STIM1: variants seen among roughly 807,000 people sequenced by gnomAD.
STIM1 encodes stromal interaction molecule 1.
A neutral mutation model predicts 74.7 loss-of-function variants in STIM1; 25 were observed. The ratio of observed to expected loss-of-function variants is 0.33; its 90% CI spans 0.24 to 0.47. The LOEUF (loss-of-function observed/expected upper bound fraction) is 0.47. STIM1 is among the 20% of genes least tolerant of loss of function. The pLI is 1.00. For missense variants in STIM1, 728 were observed against 920.8 expected, an observed-to-expected ratio of 0.79 and a Z score of 2.71; for synonymous variants, 328 against 348.8, an observed-to-expected ratio of 0.94 and a Z score of 0.66.
At chr11:3,883,553 A>T (rs997423911) in intron 1 of STIM1, among the ~76,000 whole-genome samples, 1 of 152,072 alleles carries the variant, frequency 6.6e-6, no homozygotes, top group African/African-American at 2.4e-5. Flanking sequence ...GGGTTTTACC[A>T]TGTTGGTCAG....
At chr11:4,073,026 A>G (rs1391610096) in intron 6 of STIM1, among the ~76,000 whole-genome samples, 1 of 137,250 alleles carries the variant, frequency 7.3e-6, no homozygotes. Flanking sequence ...AGTCTCCGCC[A>G]CTGATAGCTC....
chr11:3,965,835 G>A (rs1160900751), intron 1 of STIM1, among the ~76,000 whole-genome samples: 7 of 151,656 alleles, frequency 4.6e-5, no homozygotes, highest in Admixed American at 6.6e-5. Context: ...CTGAAACCCC[G>A]TCTCTACTAA....
intron 2 of STIM1, among the ~76,000 whole-genome samples, chr11:3,978,543 C>CTGAGGTCAGGAGTT (rs1358923411): frequency 6.6e-6 from 1 of 150,776 alleles, no homozygotes; most frequent in Admixed American, 6.6e-5. Flanking sequence ...GGTGGATCAC[C>CTGAGGTCAGGAGTT]TGAGGTCAGG....
At chr11:4,006,962 T>C (rs1189613561) in intron 2 of STIM1, among the ~76,000 whole-genome samples, 1 of 152,210 alleles carries the variant, frequency 6.6e-6, no homozygotes, top group African/African-American at 2.4e-5. Flanking sequence ...TTCTTCTGGC[T>C]TTATGTCAGT....
intron 1 of STIM1, among the ~76,000 whole-genome samples, chr11:3,966,673 A>G (rs1196304826): frequency 6.6e-6 from 1 of 152,254 alleles, no homozygotes; most frequent in Non-Finnish European, 1.5e-5. Context: ...TTCAGTCAAA[A>G]TACCTTTTTC....
intron 1 of STIM1, among the ~76,000 whole-genome samples, chr11:3,880,882 T>A (rs2091473817): frequency 6.6e-6 from 1 of 152,144 alleles, no homozygotes; most frequent in African/African-American, 2.4e-5. Flanking sequence ...GGGAGCTTGC[T>A]TTCTCACTAG....
chr11:3,916,287 GT>G (rs1188407528), intron 1 of STIM1, among the ~76,000 whole-genome samples: 9,395 of 144,300 alleles, frequency 0.065, 825 homozygotes, highest in African/African-American at 0.21. Flanking sequence ...AGTCAGTAAT[GT>G]TTTTTTTTTT....
intron 1 of STIM1, among the ~76,000 whole-genome samples, chr11:3,900,298 T>G (rs2092314254): frequency 6.6e-6 from 1 of 152,170 alleles, no homozygotes; most frequent in Non-Finnish European, 1.5e-5. Context: ...AAGCGCAGTA[T>G]TGGGGTGGGA....
chr11:3,874,026 C>G (rs1450457684), intron 1 of STIM1, among the ~76,000 whole-genome samples: 1 of 152,174 alleles, frequency 6.6e-6, no homozygotes, highest in Non-Finnish European at 1.5e-5. Context: ...CCTGCTCCGG[C>G]CTCCTAGAGT....
intron 12 of STIM1, chr11:4,089,162 G>A: frequency 4.7e-6 from 1 of 211,584 alleles, no homozygotes; most frequent in Non-Finnish European, 9.9e-6. Context: ...GGTCAAGGCT[G>A]CAGTGAGCCG....
intron 3 of STIM1, among the ~76,000 whole-genome samples, chr11:4,040,267 T>A (rs2094138203): frequency 6.6e-6 from 1 of 152,190 alleles, no homozygotes; most frequent in Admixed American, 6.6e-5. Context: ...GCATACAAGG[T>A]CCATGCTTAT....
At chr11:4,022,844 C>G (rs1316034454) in intron 2 of STIM1, among the ~76,000 whole-genome samples, 4 of 152,228 alleles carry the variant, frequency 2.6e-5, no homozygotes, top group Non-Finnish European at 4.4e-5. Flanking sequence ...CAGGGCCCCT[C>G]AGGGCCCAAA....
Position 4,084,679 on chromosome 11 carries a change from C to A in STIM1, c.1481C>A (p.Ala494Asp). 7.8e-7 allele frequency: 1 copy of A among 1,289,418 alleles called. No homozygotes were observed. The highest frequency in any genetic ancestry group is 1.0e-6 in the Non-Finnish European group (1 of 988,868). 79.9% of individuals were successfully genotyped at this position (1,289,418 alleles called of 1,614,324 possible). ...GCCTGGCTGTTGACCCTAGATGCTG[C>A]CTGGCTGATGGGGCGTAGGTTCAGT... ...IVSPLSMQYAAWLMGRRFSDR... is the reference protein window; with the variant it reads ...IVSPLSMQYADWLMGRRFSDR... The change falls in exon 11 of 13, where the codon GCC (alanine) becomes GAC (aspartate). Residue 494 changes from alanine to aspartate, a missense_variant. Physicochemically the swap from Ala to Asp is moderately radical, Grantham distance 126. Around this residue, in one of 5 missense-constraint regions of STIM1, gnomAD observed 352 missense variants for 370.1 expected, o/e 0.95. Transcript: ENST00000526596.
intron 1 of STIM1, among the ~76,000 whole-genome samples, chr11:3,941,585 A>ATATG (rs1554959550): frequency 1.4e-5 from 2 of 139,578 alleles, no homozygotes; most frequent in South Asian, 2.4e-4. Context: ...AAGCATATAT[A>ATATG]TGTGTGTGTG....
At chr11:4,050,736 C>G (rs1047373270) in intron 3 of STIM1, among the ~76,000 whole-genome samples, 5 of 152,096 alleles carry the variant, frequency 3.3e-5, no homozygotes, top group Non-Finnish European at 7.4e-5. Flanking sequence ...ACTTTTGACT[C>G]CCTCAAAATT....
chr11:3,876,111 C>A (rs558474515), intron 1 of STIM1, among the ~76,000 whole-genome samples: 34 of 150,618 alleles, frequency 2.3e-4, no homozygotes, highest in Non-Finnish European at 3.7e-4. Flanking sequence ...GGGAATAATA[C>A]CTATCTTGTT....
At chr11:3,977,845 G>A (rs1308906055) in intron 2 of STIM1, among the ~76,000 whole-genome samples, 1 of 152,064 alleles carries the variant, frequency 6.6e-6, no homozygotes, top group Non-Finnish European at 1.5e-5. Context: ...TACGTGATAG[G>A]TGCTAAAGCC....
chr11:3,919,254 G>A (rs1224783873), intron 1 of STIM1, among the ~76,000 whole-genome samples: 1 of 152,184 alleles, frequency 6.6e-6, no homozygotes, highest in African/African-American at 2.4e-5. Flanking sequence ...TGCCCAGGCT[G>A]GAGTGCAATG....
rs76833585 is a variant in STIM1, at chr11:4,092,241, G to A, written c.*443G>A. 17,401 of 297,418 alleles carry A rather than the reference G, an allele frequency of 0.059. 623 individuals are homozygous for A. Among genetic ancestry groups the A allele is most frequent in the Non-Finnish European group, 0.081 (12,251 of 151,800 alleles). 18.4% of individuals were successfully genotyped at this position (297,418 alleles called of 1,614,324 possible). A position where few individuals can be genotyped will look rare whatever the true frequency, so the allele number is the denominator to read the frequency against. On this transcript the variant is annotated 3_prime_UTR_variant, in exon 13 of 13. Transcript: ENST00000526596. ...ATAGGACGAGTAGCTTCTGACATGT[G>A]TGCCTCAGATCTGTTCCACCCCACT...
Sources: allele counts gnomAD v4.1 joint callset (sites outside exome capture counted in the v4.1 genomes callset), GRCh38; gene constraint gnomAD v4.1.1; regional missense constraint gnomAD v4.1.1; transcripts MANE v1.5; gene names NCBI Gene and HGNC (gene_info 2026-07-23, HGNC 2026-07-21).